FRMD5: variants seen among roughly 807,000 people sequenced by gnomAD.
FRMD5 encodes FERM domain containing 5.
FRMD5 carries 20 observed loss-of-function variants against 69.0 expected under a neutral mutation model. The observed-to-expected ratio is 0.29, with a 90% confidence interval of 0.20 to 0.42. The LOEUF is 0.42. Among genes scored for constraint, FRMD5 ranks in the 10% least tolerant of loss-of-function variants. The pLI is 1.00. For missense variants in FRMD5, 595 were observed against 708.6 expected, an observed-to-expected ratio of 0.84 and a Z score of 1.82; for synonymous variants, 271 against 260.1, an observed-to-expected ratio of 1.04 and a Z score of -0.40.
chr15:44,185,908 C>A (rs975949996), intron 1 of FRMD5, among the ~76,000 whole-genome samples: 3 of 151,886 alleles, frequency 2.0e-5, no homozygotes, highest in African/African-American at 7.3e-5. Flanking sequence ...TTCACTAATT[C>A]TGCTTTCTTG....
chr15:44,127,637 A>G (rs956697605), intron 1 of FRMD5, among the ~76,000 whole-genome samples: 9 of 152,126 alleles, frequency 5.9e-5, no homozygotes, highest in Admixed American at 1.3e-4. Flanking sequence ...ACTTTGGGAA[A>G]CTGAAGCGAG....
intron 1 of FRMD5, among the ~76,000 whole-genome samples, chr15:44,001,759 A>T (rs1890224586): frequency 6.6e-6 from 1 of 151,990 alleles, no homozygotes; most frequent in Admixed American, 6.6e-5. Flanking sequence ...GGCACATGCC[A>T]CCACGCCCAG....
intron 1 of FRMD5, among the ~76,000 whole-genome samples, chr15:44,113,259 T>C (rs1175962257): frequency 6.6e-6 from 1 of 152,224 alleles, no homozygotes; most frequent in Non-Finnish European, 1.5e-5. Flanking sequence ...ATTGTAGGGT[T>C]TTGCTCCCTT....
intron 1 of FRMD5, among the ~76,000 whole-genome samples, chr15:44,170,998 A>G (rs1489083830): frequency 3.9e-5 from 6 of 152,180 alleles, no homozygotes. Context: ...AATTGATGTA[A>G]TCTCTTCATG....
intron 1 of FRMD5, among the ~76,000 whole-genome samples, chr15:44,041,210 C>A (rs1049704283): frequency 6.6e-6 from 1 of 151,978 alleles, no homozygotes; most frequent in Admixed American, 6.6e-5. Flanking sequence ...AAAGTTCTTA[C>A]AGACCTACAA....
At chr15:43,879,721 C>T (rs1778925196) in intron 13 of FRMD5, 1 of 398,814 alleles carries the variant, frequency 2.5e-6, no homozygotes, top group Admixed American at 4.4e-5. Flanking sequence ...CTGATCTCTT[C>T]AGAGAAACCA....
intron 1 of FRMD5, among the ~76,000 whole-genome samples, chr15:44,055,254 G>A (rs1478690415): frequency 6.6e-6 from 1 of 151,878 alleles, no homozygotes; most frequent in Non-Finnish European, 1.5e-5. Context: ...TTTTTTACTT[G>A]GCCCAGGATT....
chr15:44,154,153 T>C (rs1409135075), intron 1 of FRMD5, among the ~76,000 whole-genome samples: 1 of 152,002 alleles, frequency 6.6e-6, no homozygotes, highest in Non-Finnish European at 1.5e-5. Flanking sequence ...AATTACCCCA[T>C]CTCTATAAAA....
At chr15:44,052,544 A>G (rs1270479985) in intron 1 of FRMD5, among the ~76,000 whole-genome samples, 1 of 152,086 alleles carries the variant, frequency 6.6e-6, no homozygotes, top group Admixed American at 6.5e-5. Flanking sequence ...TTTACATAAC[A>G]TTTGTTTCCA....
chr15:44,049,875 T>C (rs1373299649), intron 1 of FRMD5, among the ~76,000 whole-genome samples: 1 of 152,232 alleles, frequency 6.6e-6, no homozygotes, highest in African/African-American at 2.4e-5. Flanking sequence ...TTACTGATTT[T>C]GGATAGTATT....
chr15:43,944,299 A>G (rs1031391346), intron 1 of FRMD5, among the ~76,000 whole-genome samples: 1 of 152,186 alleles, frequency 6.6e-6, no homozygotes, highest in South Asian at 2.1e-4. Flanking sequence ...TTCCTCTTCT[A>G]AGAAAGCCAC....
chr15:43,945,317 T>C (rs991580996), intron 1 of FRMD5, among the ~76,000 whole-genome samples: 5 of 152,288 alleles, frequency 3.3e-5, no homozygotes, highest in African/African-American at 9.6e-5. Context: ...TTGGTCATTA[T>C]AGGAAGTAAA....
At chr15:44,094,430 C>T (rs747800139) in intron 1 of FRMD5, among the ~76,000 whole-genome samples, 4 of 152,156 alleles carry the variant, frequency 2.6e-5, no homozygotes, top group East Asian at 3.9e-4. Context: ...AAGGCTAGCT[C>T]GAGTTCTTCT....
chr15:43,916,166 C>A (rs141908685), intron 4 of FRMD5, among the ~76,000 whole-genome samples: 1 of 152,110 alleles, frequency 6.6e-6, no homozygotes, highest in African/African-American at 2.4e-5. Context: ...GCATGCAGAC[C>A]GAGAGGAGCT....
intron 1 of FRMD5, among the ~76,000 whole-genome samples, chr15:43,999,162 G>C (rs904866250): frequency 1.3e-5 from 2 of 152,012 alleles, no homozygotes; most frequent in Admixed American, 1.3e-4. Context: ...CCACCTCCCA[G>C]GTTCAAGTGA....
At chr15:44,000,570 A>G (rs1890166916) in intron 1 of FRMD5, among the ~76,000 whole-genome samples, 1 of 149,606 alleles carries the variant, frequency 6.7e-6, no homozygotes. Context: ...AGCGATTCTC[A>G]TGCTTCAGCC....
At chr15:43,984,311 A>ACCCGCATCCCCATCTTCT (rs1202389599) in intron 1 of FRMD5, among the ~76,000 whole-genome samples, 1 of 151,960 alleles carries the variant, frequency 6.6e-6, no homozygotes, top group Non-Finnish European at 1.5e-5. Flanking sequence ...CCCTACCCAA[A>ACCCGCATCCCCATCTTCT]CCCGCATCCC....
intron 1 of FRMD5, among the ~76,000 whole-genome samples, chr15:43,982,460 G>T (rs2090563210): frequency 1.3e-5 from 2 of 152,116 alleles, no homozygotes; most frequent in African/African-American, 4.8e-5. Flanking sequence ...ACGCTTGAGG[G>T]TTAGCAGCTA....
intron 1 of FRMD5, among the ~76,000 whole-genome samples, chr15:44,131,078 A>T (rs773695477): frequency 6.6e-6 from 1 of 152,146 alleles, no homozygotes; most frequent in Non-Finnish European, 1.5e-5. Context: ...AAAATCTCCA[A>T]ATCTTACTGT....
Sources: gnomAD v4.1 joint callset for allele counts (sites outside exome capture counted in the v4.1 genomes callset) on GRCh38, gnomAD v4.1.1 for gene constraint, MANE v1.5 for transcripts, NCBI Gene and HGNC (gene_info 2026-07-23, HGNC 2026-07-21) for gene names.